The following GNG2 variants were observed in gnomAD, a reference collection of about 807,000 sequenced individuals.
GNG2 encodes G protein subunit gamma 2.
Under a neutral mutation model 5.5 loss-of-function variants are expected in GNG2, and 5 were observed. The ratio of observed to expected loss-of-function variants is 0.91; its 90% confidence interval spans 0.48 to 1.92. The LOEUF is 1.92. Ranked by LOEUF, GNG2 falls within the 30% of genes most tolerant of loss-of-function variation. GNG2 has a pLI of 0.01. For synonymous variants in GNG2, 28 were observed against 32.0 expected (o/e 0.88, Z 0.42); for missense variants, 55 against 88.4 (o/e 0.62, Z 1.52).
intron 2 of GNG2, among the ~76,000 whole-genome samples, chr14:51,883,056 A>T (rs10131301): frequency 0.49 from 73,621 of 151,066 alleles, 18,497 homozygotes; most frequent in African/African-American, 0.6. Context: ...ACAGTCCAGA[A>T]GTAATAACTT....
chr14:51,933,348 CTATT>C (rs565895568), intron 2 of GNG2, among the ~76,000 whole-genome samples: 1 of 152,192 alleles, frequency 6.6e-6, no homozygotes, highest in Admixed American at 6.5e-5. Context: ...CTGGGGGAAA[CTATT>C]TATAGTGGAT....
intron 2 of GNG2, among the ~76,000 whole-genome samples, chr14:51,887,672 G>C (rs1032003044): frequency 5.3e-5 from 8 of 152,154 alleles, no homozygotes; most frequent in African/African-American, 1.9e-4. Context: ...AAGAGCTGGG[G>C]CTGTGGGGTT....
intron 2 of GNG2, among the ~76,000 whole-genome samples, chr14:51,850,810 G>T (rs1881872313): frequency 6.6e-6 from 1 of 152,136 alleles, no homozygotes; most frequent in African/African-American, 2.4e-5. Context: ...TGGGAGGGGG[G>T]TGCCACCCAC....
At chr14:51,950,356 G>A (rs1297802986) in intron 2 of GNG2, among the ~76,000 whole-genome samples, 2 of 152,234 alleles carry the variant, frequency 1.3e-5, no homozygotes, top group African/African-American at 4.8e-5. Flanking sequence ...GGTGGTCACA[G>A]TTAACCAGAA....
At chr14:51,856,771 TG>T (rs755015542), upstream of GNG2, among the ~76,000 whole-genome samples, 68 of 152,374 alleles carry the variant, frequency 4.5e-4, no homozygotes, top group Non-Finnish European at 8.5e-4. Flanking sequence ...TGCCAGACTA[TG>T]CTTCTTTATA....
intron 2 of GNG2, among the ~76,000 whole-genome samples, chr14:51,881,411 A>G (rs1884057923): frequency 6.6e-6 from 1 of 152,168 alleles, no homozygotes; most frequent in Non-Finnish European, 1.5e-5. Context: ...GCGGTGGAGC[A>G]TGAGCCACTT....
chr14:51,898,192 T>A (rs1258754863), intron 2 of GNG2, among the ~76,000 whole-genome samples: 1 of 152,210 alleles, frequency 6.6e-6, no homozygotes, highest in Admixed American at 6.5e-5. Flanking sequence ...CAAGCTGCCT[T>A]TGAGGCTAAT....
upstream of GNG2, among the ~76,000 whole-genome samples, chr14:51,858,233 C>G (rs185045087): frequency 6.6e-6 from 1 of 152,180 alleles, no homozygotes; most frequent in Non-Finnish European, 1.5e-5. Context: ...GCTATACCCC[C>G]ACACTTTACT....
intron 2 of GNG2, among the ~76,000 whole-genome samples, chr14:51,838,932 C>G (rs1472725881): frequency 6.6e-6 from 1 of 152,104 alleles, no homozygotes; most frequent in Non-Finnish European, 1.5e-5. Context: ...GCAAGACACT[C>G]AGCAATAAGT....
intron 3 of GNG2, among the ~76,000 whole-genome samples, chr14:51,951,204 T>G (rs1371964611): frequency 6.6e-6 from 1 of 152,220 alleles, no homozygotes; most frequent in East Asian, 1.9e-4. Flanking sequence ...AAGTTTTTTC[T>G]TCTTTATACT....
chr14:51,906,715 T>C (rs1885941294), intron 2 of GNG2, among the ~76,000 whole-genome samples: 1 of 151,570 alleles, frequency 6.6e-6, no homozygotes, highest in South Asian at 2.1e-4. Flanking sequence ...ATAGAACATA[T>C]GTGTGTAGAA....
At chr14:51,890,201 T>A (rs1594881666) in intron 2 of GNG2, among the ~76,000 whole-genome samples, 1 of 152,252 alleles carries the variant, frequency 6.6e-6, no homozygotes, top group Admixed American at 6.5e-5. Context: ...TTATTTAGAA[T>A]GCTTTTAGCC....
At chr14:51,884,736 A>T (rs183429298) in intron 2 of GNG2, among the ~76,000 whole-genome samples, 8 of 152,306 alleles carry the variant, frequency 5.3e-5, no homozygotes, top group Non-Finnish European at 1.0e-4. Flanking sequence ...CTGTCCTCCT[A>T]GTCTCCTCAG....
Position 51,968,915 on chromosome 14 carries a change from A to G in GNG2, c.*2228A>G, listed in dbSNP as rs1890073366. ...TAAATCTAGATCTTTGGAGCAATTA[A>G]GATGGAATTACAATTTCTAGGGAGC... On this transcript the variant is annotated 3_prime_UTR_variant, in exon 4 of 4. Transcript: ENST00000556766. The G allele has an allele frequency of 6.6e-6, 1 of 152,216 alleles. No individual in the cohort carries two copies. Among genetic ancestry groups the G allele is most frequent in the Non-Finnish European group, 1.5e-5 (1 of 68,040 alleles). The allele number at this position is 152,216 out of a possible 1,614,324, so 9.4% of individuals were successfully genotyped here.
intron 2 of GNG2, among the ~76,000 whole-genome samples, chr14:51,909,192 T>C (rs1028047812): frequency 3.3e-5 from 5 of 152,222 alleles, no homozygotes; most frequent in Admixed American, 2.0e-4. Flanking sequence ...AGAATAACTT[T>C]ACCAGAATTA....
intron 2 of GNG2, among the ~76,000 whole-genome samples, chr14:51,829,845 CT>C (rs35713457): frequency 0.45 from 61,693 of 137,488 alleles, 13,208 homozygotes; most frequent in Middle Eastern, 0.53. Flanking sequence ...CCTACTTCTT[CT>C]TTTTTTTTTT....
At chr14:51,918,347 G>C (rs925866131) in intron 2 of GNG2, among the ~76,000 whole-genome samples, 26 of 151,530 alleles carry the variant, frequency 1.7e-4, no homozygotes, top group African/African-American at 4.9e-4. Context: ...TCCCAGCTGA[G>C]AGCATTTTTC....
At chr14:51,840,323 A>T (rs974547562) in intron 2 of GNG2, among the ~76,000 whole-genome samples, 1 of 152,198 alleles carries the variant, frequency 6.6e-6, no homozygotes, top group Non-Finnish European at 1.5e-5. Flanking sequence ...CTTTCTGTCA[A>T]TCATGTCCCC....
intron 2 of GNG2, among the ~76,000 whole-genome samples, chr14:51,899,678 C>T (rs1885426185): frequency 6.6e-6 from 1 of 152,168 alleles, no homozygotes; most frequent in African/African-American, 2.4e-5. Context: ...CCTATTCTGC[C>T]CTCCCCCCAG....
Sources: gnomAD v4.1 joint callset for allele counts (sites outside exome capture counted in the v4.1 genomes callset) on GRCh38, gnomAD v4.1.1 for gene constraint, MANE v1.5 for transcripts, NCBI Gene and HGNC (gene_info 2026-07-23, HGNC 2026-07-21) for gene names.